Variants in NDUFB3 observed in about 807,000 individuals in gnomAD.
The protein encoded by NDUFB3 is NADH dehydrogenase [ubiquinone] 1 beta subcomplex subunit 3.
In NDUFB3, 7 loss-of-function variants were observed where a neutral mutation model predicts 9.0. That is an observed-to-expected ratio of 0.78 (90% confidence interval 0.44 to 1.46). The LOEUF is 1.46. Among genes scored for constraint, NDUFB3 ranks in the 40% most tolerant of loss-of-function variants. NDUFB3 has a pLI of 0.01. For missense variants in NDUFB3, 93 were observed against 115.4 expected (o/e 0.81, Z 0.89); for synonymous variants, 29 against 38.5 (o/e 0.75, Z 0.91).
At position 201,078,896 on chromosome 2, in the gene NDUFB3, A is replaced by G. The variant is rs755829281; in HGVS notation, c.14A>G (p.His5Arg). Residue 5 changes from histidine (H) to arginine (R), a missense_variant, in exon 2 of 3, where the codon CAT (histidine) becomes CGT (arginine). Transcript: ENST00000237889. The part of the protein sequence containing the change: MAHE[H>R]GHEHGHHKME... ...TTCCTTACAGACATGGCCCATGAAC[A>G]TGGACATGAGCATGGACATCATAAA... The G allele has an allele frequency of 6.2e-7, 1 of 1,610,192 alleles. No homozygotes were observed. The highest frequency in any genetic ancestry group is 2.2e-5 in the East Asian group (1 of 44,822).
At chr2:201,072,662 T>C (rs541382889) in intron 1 of NDUFB3, among the ~76,000 whole-genome samples, 1 of 152,354 alleles carries the variant, frequency 6.6e-6, no homozygotes, top group East Asian at 1.9e-4. Flanking sequence ...ACTGTTATTA[T>C]TTGAGCTGCT....
chr2:201,079,522 A>G (rs2047201252), intron 2 of NDUFB3, among the ~76,000 whole-genome samples: 1 of 152,018 alleles, frequency 6.6e-6, no homozygotes, highest in Non-Finnish European at 1.5e-5. Flanking sequence ...CGCTCACAGC[A>G]ACCTCCATCT....
At chr2:201,078,435 T>C (rs1017004403) in intron 1 of NDUFB3, among the ~76,000 whole-genome samples, 3 of 152,246 alleles carry the variant, frequency 2.0e-5, no homozygotes, top group African/African-American at 7.2e-5. Flanking sequence ...ATTGTCCTCA[T>C]CTGTAAAATG....
rs2047283613 is a variant in NDUFB3 at position 201,085,606 on chromosome 2, G to A, written c.288G>A (p.Lys96=). The A allele has an allele frequency of 1.1e-5, 18 of 1,610,060 alleles. No homozygotes were observed. Among genetic ancestry groups the A allele is most frequent in the Non-Finnish European group, 1.5e-5 (18 of 1,178,394 alleles). The change falls in exon 3 of 3, where the codon AAG becomes AAA. Residue 96 remains lysine, a synonymous_variant. Transcript: ENST00000237889. Reference sequence around the variant, plus strand: ...TGGAGTCCCTGAATAAAGATAAGAAGCATCACTGAAGATAATACCTGGAAG... The same window carrying A: ...TGGAGTCCCTGAATAAAGATAAGAAACATCACTGAAGATAATACCTGGAAG... The part of the protein sequence containing the change: ...YYLESLNKDK[K]HH
chr2:201,080,151 T>C (rs1436127504), intron 2 of NDUFB3, among the ~76,000 whole-genome samples: 1 of 152,192 alleles, frequency 6.6e-6, no homozygotes, highest in African/African-American at 2.4e-5. Flanking sequence ...TTGTGTCATA[T>C]GAAGTAAGGA....
chr2:201,079,019 G>T lies in NDUFB3; in HGVS notation c.137G>T (p.Gly46Val). ...GCAAAAGGGCTAAGGGATCCATGGG[G>T]CCGGTAAGATGAATTAAGTAATTTA... is the stretch of plus-strand genomic sequence containing the variant. ...LAAKGLRDPWGRNEAWRYMGG... is the reference protein window; with the variant it reads ...LAAKGLRDPWVRNEAWRYMGG... Residue 46 changes from glycine (G) to valine (V), a missense_variant, in exon 2 of 3, where the codon GGC (glycine) becomes GTC (valine). Physicochemically the swap from Gly to Val is moderately radical, Grantham distance 109 (BLOSUM62 -3). Coordinates refer to ENST00000237889, the MANE Select transcript of NDUFB3 (RefSeq NM_002491.3). 6.2e-7 allele frequency: 1 copy of T among 1,607,212 alleles called. No homozygotes were observed. Among genetic ancestry groups the T allele is most frequent in the East Asian group, 2.2e-5 (1 of 44,834 alleles).
chr2:201,076,371 G>A lies in NDUFB3; in HGVS notation c.-2-2510G>A, dbSNP rs1002730028. The stretch of plus-strand genomic sequence containing the variant: ...TAAAACATTTAAAAACTAGCCAGGC[G>A]TTGTGCACACTCCAGTCCTAGCTAC... On this transcript the variant is annotated intron_variant, in intron 1 of 2. Transcript: ENST00000237889. 6.6e-5 allele frequency among the ~76,000 whole-genome samples: 10 copies of A among 151,220 alleles called. No homozygotes were observed. The East Asian group carries it at 1.4e-3, about 21-fold the overall frequency.
At chr2:201,085,358 G>A in intron 2 of NDUFB3, 101 bp from the exon 3 acceptor site, 1 of 861,548 alleles carries the variant, frequency 1.2e-6, no homozygotes, top group Non-Finnish European at 1.7e-6. Flanking sequence ...ATCTTCTGTA[G>A]GGTAGCATTT....
At chr2:201,081,703 C>T (rs1287734392) in intron 2 of NDUFB3, among the ~76,000 whole-genome samples, 3 of 151,774 alleles carry the variant, frequency 2.0e-5, no homozygotes, top group African/African-American at 7.3e-5. Flanking sequence ...GGCTGGAGTG[C>T]AGTGGCACAA....
chr2:201,079,274 A>G (rs2047198774), intron 2 of NDUFB3, among the ~76,000 whole-genome samples: 1 of 151,938 alleles, frequency 6.6e-6, no homozygotes, highest in Non-Finnish European at 1.5e-5. Context: ...CCTCCCAAGC[A>G]GCTGGGATTA....
At chr2:201,079,533 C>G (rs908105881) in intron 2 of NDUFB3, among the ~76,000 whole-genome samples, 2 of 152,078 alleles carry the variant, frequency 1.3e-5, no homozygotes, top group African/African-American at 4.8e-5. Flanking sequence ...ACCTCCATCT[C>G]CCAGGCTTAA....
chr2:201,073,368 T>C (rs995450611), intron 1 of NDUFB3, among the ~76,000 whole-genome samples: 9 of 152,238 alleles, frequency 5.9e-5, no homozygotes, highest in African/African-American at 2.2e-4. Context: ...TTGTATAATA[T>C]TCTACAGTGT....
In NDUFB3 at chr2:201,079,031, A is replaced by G. The variant is rs1344424382; in HGVS notation, c.140+9A>G. 1 of 1,604,994 alleles carries G rather than the reference A, an allele frequency of 6.2e-7. No individual in the cohort carries two copies. Among genetic ancestry groups the G allele is most frequent in the Admixed American group, 1.8e-5 (1 of 56,888 alleles). On this transcript the variant is annotated intron_variant, in intron 2 of 2. Transcript: ENST00000237889. ...AGGGATCCATGGGGCCGGTAAGATG[A>G]ATTAAGTAATTTAGATAGAATGTAT...
intron 1 of NDUFB3, among the ~76,000 whole-genome samples, chr2:201,075,459 G>A (rs1002262539): frequency 1.3e-5 from 2 of 151,262 alleles, no homozygotes; most frequent in African/African-American, 4.8e-5. Flanking sequence ...CCAGCTACTC[G>A]GGAGGCTGAG....
chr2:201,081,090 A>G (rs953500877), intron 2 of NDUFB3, among the ~76,000 whole-genome samples: 2 of 152,124 alleles, frequency 1.3e-5, no homozygotes, highest in African/African-American at 4.8e-5. Context: ...GACAATTTCT[A>G]TTAAAATCCC....
At chr2:201,085,425 G>A in intron 2 of NDUFB3, 34 bp from the exon 3 acceptor site, 1 of 1,545,850 alleles carries the variant, frequency 6.5e-7, no homozygotes, top group Non-Finnish European at 8.8e-7. Flanking sequence ...CACACGTTGT[G>A]TATGATTATA....
intron 1 of NDUFB3, among the ~76,000 whole-genome samples, chr2:201,078,450 T>TA (rs1363223979): frequency 2.0e-5 from 3 of 152,234 alleles, no homozygotes; most frequent in African/African-American, 7.2e-5. Context: ...AAAATGGGGA[T>TA]ACTCATTATT....
In NDUFB3 at chr2:201,085,691, G is replaced by T; in HGVS notation, c.*76G>T. On this transcript the variant is annotated 3_prime_UTR_variant, in exon 3 of 3. Transcript: ENST00000237889. ...TTTCTTCTCTGTAGCCTACTTGTCT[G>T]GTTTATCCCTTACAGAATATTAGTA... The T allele has an allele frequency of 2.4e-6, 3 of 1,248,654 alleles. No homozygotes were observed. The highest frequency in any genetic ancestry group is 3.2e-5 in the South Asian group (2 of 61,746). 77.3% of individuals were successfully genotyped at this position (1,248,654 alleles called of 1,614,324 possible).
At chr2:201,081,405 C>T (rs2047220640) in intron 2 of NDUFB3, among the ~76,000 whole-genome samples, 1 of 151,746 alleles carries the variant, frequency 6.6e-6, no homozygotes, top group African/African-American at 2.4e-5. Flanking sequence ...ATCACTTGAA[C>T]CCGCGAGGCT....
Sources: gnomAD v4.1 joint callset for allele counts (sites outside exome capture counted in the v4.1 genomes callset) on GRCh38, gnomAD v4.1.1 for gene constraint, MANE v1.5 for transcripts, NCBI Gene and HGNC (gene_info 2026-07-23, HGNC 2026-07-21) for gene names.